The following CREB3L2 variants were observed in gnomAD, a reference collection of about 807,000 sequenced individuals.
The protein encoded by CREB3L2 is cyclic AMP-responsive element-binding protein 3-like protein 2.
Under a neutral mutation model 57.2 loss-of-function variants are expected in CREB3L2, and 23 were observed. That is an observed-to-expected ratio of 0.40 (90% confidence interval 0.29 to 0.57). The LOEUF (loss-of-function observed/expected upper bound fraction) is 0.57. Among genes scored for constraint, CREB3L2 ranks in the 20% least tolerant of loss-of-function variants. The pLI is 0.42. For synonymous variants in CREB3L2, 268 were observed against 265.1 expected (o/e 1.01, Z -0.11); for missense variants, 628 against 634.7 (o/e 0.99, Z 0.11).
chr7:137,875,102 A>C lies in CREB3L2; in HGVS notation c.*5374T>G, dbSNP rs976080458. On this transcript the variant is annotated 3_prime_UTR_variant, in exon 12 of 12. Transcript: ENST00000330387. ...TACAAAGCTTTTTTTTTTTTTTGGTATTTACTTAGCTATGATAAAGAATAA... is the reference window on the plus strand; with the variant it reads ...TACAAAGCTTTTTTTTTTTTTTGGTCTTTACTTAGCTATGATAAAGAATAA... 1 of 174,476 alleles carries C rather than the reference A, an allele frequency of 5.7e-6. No homozygotes were observed. The highest frequency in any genetic ancestry group is 2.6e-5 in the African/African-American group (1 of 38,208). 10.8% of individuals were successfully genotyped at this position (174,476 alleles called of 1,614,324 possible). A position where few individuals can be genotyped will look rare whatever the true frequency, so the allele number is the denominator to read the frequency against.
chr7:137,877,987 C>T lies in CREB3L2; in HGVS notation c.*2489G>A, dbSNP rs1799196063. 1 of 227,884 alleles carries T rather than the reference C, an allele frequency of 4.4e-6. No individual in the cohort carries two copies. The highest frequency in any genetic ancestry group is 2.2e-5 in the African/African-American group (1 of 44,998). The allele number at this position is 227,884 out of a possible 1,614,324, so 14.1% of individuals were successfully genotyped here. A position where few individuals can be genotyped will look rare whatever the true frequency, so the allele number is the denominator to read the frequency against. On this transcript the variant is annotated 3_prime_UTR_variant, in exon 12 of 12. Coordinates refer to ENST00000330387, the MANE Select transcript of CREB3L2 (RefSeq NM_194071.4). ...CAAGGAGTGGAGGGCAGAGGTTTAT[C>T]TAAAAGAGCAGTGATGTTGGTTCTT... is the stretch of plus-strand genomic sequence containing the variant.
Position 137,996,607 on chromosome 7 carries a change from C to A in CREB3L2, c.102+4997G>T, listed in dbSNP as rs141678021. ...AAATCATATCACTCTCCGGGCCAGG[C>A]GGGAGGAACAGGAAACCACACAGTC... On this transcript the variant is annotated intron_variant, in intron 1 of 11. Transcript: ENST00000330387. Among the ~76,000 whole-genome samples, 66 of 152,272 alleles carry A rather than the reference C, an allele frequency of 4.3e-4. No individual in the cohort carries two copies. In the East Asian group the frequency reaches 0.012, roughly 28 times the overall value.
intron 1 of CREB3L2, among the ~76,000 whole-genome samples, chr7:137,978,329 T>C (rs1321267963): frequency 6.6e-6 from 1 of 152,202 alleles, no homozygotes; most frequent in Non-Finnish European, 1.5e-5. Flanking sequence ...CTAACATCTT[T>C]TGAAGTCAGA....
chr7:137,979,199 C>A (rs987400227), intron 1 of CREB3L2, among the ~76,000 whole-genome samples: 1 of 152,214 alleles, frequency 6.6e-6, no homozygotes, highest in African/African-American at 2.4e-5. Flanking sequence ...GGGAAGAATA[C>A]GAGTGCTTTG....
chr7:137,935,552 T>C (rs1337225914), intron 1 of CREB3L2, among the ~76,000 whole-genome samples: 2 of 152,206 alleles, frequency 1.3e-5, no homozygotes, highest in Non-Finnish European at 2.9e-5. Context: ...CCAAGTTACT[T>C]AAATATCTTA....
intron 1 of CREB3L2, among the ~76,000 whole-genome samples, chr7:137,964,502 T>C (rs1250899564): frequency 2.0e-5 from 3 of 152,150 alleles, no homozygotes; most frequent in South Asian, 2.1e-4. Flanking sequence ...CCCAAGGCTA[T>C]TGACCCATCA....
Position 137,905,685 on chromosome 7 carries a change from A to C in CREB3L2, c.915+17T>G. ...GCTCGTCTCTGCTCTAGAAGTGCCT[A>C]GATTTGAAGAGCTCACCTTATTCTT... On this transcript the variant is annotated intron_variant, in intron 6 of 11. Coordinates refer to ENST00000330387, the MANE Select transcript of CREB3L2 (RefSeq NM_194071.4). The C allele has an allele frequency of 6.2e-7, 1 of 1,613,840 alleles. No individual in the cohort carries two copies. The highest frequency in any genetic ancestry group is 1.6e-4 in the Middle Eastern group (1 of 6,062).
chr7:137,977,877 T>C (rs928958676), intron 1 of CREB3L2, among the ~76,000 whole-genome samples: 3 of 147,490 alleles, frequency 2.0e-5, no homozygotes, highest in Admixed American at 1.4e-4. Context: ...ACCGAGATCA[T>C]GCCACTGCAC....
At chr7:137,894,914 C>A (rs551453490) in intron 8 of CREB3L2, among the ~76,000 whole-genome samples, 127 of 152,246 alleles carry the variant, frequency 8.3e-4, no homozygotes, top group Non-Finnish European at 1.4e-3. Context: ...CCCCATTCTA[C>A]CTCTAAATGT....
intron 8 of CREB3L2, among the ~76,000 whole-genome samples, chr7:137,890,654 G>T (rs747394802): frequency 4.6e-5 from 7 of 152,206 alleles, no homozygotes; most frequent in South Asian, 2.1e-4. Context: ...AAGAGTGCTT[G>T]CTGTCTCTTT....
chr7:137,944,895 A>AT (rs1188503063), intron 1 of CREB3L2, among the ~76,000 whole-genome samples: 1 of 151,866 alleles, frequency 6.6e-6, no homozygotes, highest in African/African-American at 2.4e-5. Flanking sequence ...TTTATTTTTT[A>AT]TTTTTTATTT....
chr7:137,937,521 C>T (rs1040387519), intron 1 of CREB3L2, among the ~76,000 whole-genome samples: 1 of 152,008 alleles, frequency 6.6e-6, no homozygotes, highest in African/African-American at 2.4e-5. Flanking sequence ...CAGATGCCAA[C>T]CATGAGGAAA....
At chr7:137,976,382 C>T (rs1394162314) in intron 1 of CREB3L2, among the ~76,000 whole-genome samples, 3 of 152,236 alleles carry the variant, frequency 2.0e-5, no homozygotes, top group Non-Finnish European at 4.4e-5. Flanking sequence ...AGTGGCCACT[C>T]GTTAATTTAT....
intron 1 of CREB3L2, among the ~76,000 whole-genome samples, chr7:137,971,468 T>C (rs1350758195): frequency 1.3e-5 from 2 of 151,716 alleles, no homozygotes; most frequent in Non-Finnish European, 2.9e-5. Flanking sequence ...AAAAAAAATT[T>C]TGGATGGGGG....
At chr7:137,924,352 T>C (rs1284664168) in intron 2 of CREB3L2, among the ~76,000 whole-genome samples, 1 of 152,238 alleles carries the variant, frequency 6.6e-6, no homozygotes, top group African/African-American at 2.4e-5. Context: ...AGGGGCCATG[T>C]CTGGTTCTCT....
intron 1 of CREB3L2, among the ~76,000 whole-genome samples, chr7:137,930,181 G>C (rs1428735855): frequency 6.6e-6 from 1 of 152,124 alleles, no homozygotes; most frequent in Non-Finnish European, 1.5e-5. Flanking sequence ...ACAGGCGTGA[G>C]CCACTGTGCC....
At chr7:137,894,166 G>C (rs1799574541) in intron 8 of CREB3L2, among the ~76,000 whole-genome samples, 1 of 152,200 alleles carries the variant, frequency 6.6e-6, no homozygotes. Context: ...ATGAGGTAAT[G>C]TCTCTCCCTG....
At position 138,001,520 on chromosome 7, in the gene CREB3L2, C is replaced by G; in HGVS notation, c.102+84G>C. The stretch of plus-strand genomic sequence containing the variant: ...TGCCCTGCCCCAAACCCTGCCTTCC[C>G]GGGTCCCAGGACTCCAGCTGCTCCT... On this transcript the variant is annotated intron_variant, in intron 1 of 11. Transcript: ENST00000330387. The surrounding 1 kb of genome is among the most constrained non-coding windows in gnomAD (Gnocchi z 4.2). The G allele has an allele frequency of 9.7e-7, 1 of 1,031,480 alleles. No individual in the cohort carries two copies. Among genetic ancestry groups the G allele is most frequent in the South Asian group, 1.5e-5 (1 of 65,910 alleles). 63.9% of individuals were successfully genotyped at this position (1,031,480 alleles called of 1,614,324 possible). A position where few individuals can be genotyped will look rare whatever the true frequency, so the allele number is the denominator to read the frequency against.
rs745814643 is a variant in CREB3L2 at position 137,884,846 on chromosome 7, C to A, written c.1270+149G>T. 7.2e-6 allele frequency: 8 copies of A among 1,116,258 alleles called. No homozygotes were observed. The Admixed American group carries it at 1.0e-4, about 14-fold the overall frequency. The allele number at this position is 1,116,258 out of a possible 1,614,324, so 69.1% of individuals were successfully genotyped here. A position where few individuals can be genotyped will look rare whatever the true frequency, so the allele number is the denominator to read the frequency against. ...CAGTGGATGAGGGGCCCCAGGGGAACCCCCACTTGCCTCTTCAAAGGGAGA... is the reference window on the plus strand; with the variant it reads ...CAGTGGATGAGGGGCCCCAGGGGAAACCCCACTTGCCTCTTCAAAGGGAGA... On this transcript the variant is annotated intron_variant, in intron 10 of 11. Transcript: ENST00000330387.
Sources: allele counts gnomAD v4.1 joint callset (sites outside exome capture counted in the v4.1 genomes callset), GRCh38; gene constraint gnomAD v4.1.1; non-coding constraint Gnocchi (gnomAD v3.1); transcripts MANE v1.5; gene names NCBI Gene and HGNC (gene_info 2026-07-23, HGNC 2026-07-21).